Variants in MYRIP observed in about 807,000 individuals in gnomAD.
MYRIP encodes rab effector MyRIP.
Under a neutral mutation model 98.0 loss-of-function variants are expected in MYRIP, and 49 were observed. The observed-to-expected ratio is 0.50, with a 90% confidence interval of 0.40 to 0.63. The LOEUF (loss-of-function observed/expected upper bound fraction) is 0.63, where lower values mean the gene tolerates loss of function less well. MYRIP is among the 30% of genes least tolerant of loss of function. The pLI is 0.00. For missense variants in MYRIP, 1,004 were observed against 1,058.2 expected, an observed-to-expected ratio of 0.95 and a Z score of 0.71; for synonymous variants, 404 against 409.5, an observed-to-expected ratio of 0.99 and a Z score of 0.16.
At chr3:40,045,526 G>A (rs559364209) in intron 3 of MYRIP, among the ~76,000 whole-genome samples, 1 of 152,304 alleles carries the variant, frequency 6.6e-6, no homozygotes, top group South Asian at 2.1e-4. Context: ...TCAACAGAGA[G>A]AGGTTCATCC....
At chr3:40,015,141 T>C (rs1244942922) in intron 2 of MYRIP, among the ~76,000 whole-genome samples, 2 of 152,238 alleles carry the variant, frequency 1.3e-5, no homozygotes, top group Non-Finnish European at 2.9e-5. Context: ...GATGCCTACC[T>C]TCCAAAGTTG....
At chr3:40,128,504 C>T (rs917764098) in intron 3 of MYRIP, among the ~76,000 whole-genome samples, 6 of 152,206 alleles carry the variant, frequency 3.9e-5, no homozygotes, top group Admixed American at 2.6e-4. Flanking sequence ...CTTCATTTAA[C>T]CCAAAACTCA....
At chr3:40,102,071 T>G (rs1449621792) in intron 3 of MYRIP, among the ~76,000 whole-genome samples, 2 of 152,194 alleles carry the variant, frequency 1.3e-5, no homozygotes, top group African/African-American at 2.4e-5. Context: ...GTAGGTCTGA[T>G]AGTTCAGGGG....
chr3:40,190,483 G>A lies in MYRIP; in HGVS notation c.1665+20G>A, dbSNP rs778717384. 1 of 1,557,700 alleles carries A rather than the reference G, an allele frequency of 6.4e-7. No homozygotes were observed. The highest frequency in any genetic ancestry group is 1.9e-5 in the Admixed American group (1 of 53,524). ...CATCAGGTAATGGAAGTGCATGCGT[G>A]CAAATGCACACACACTCTTTAGGTA... On this transcript the variant is annotated intron_variant, in intron 10 of 16. Coordinates refer to ENST00000302541, the MANE Select transcript of MYRIP (RefSeq NM_015460.4).
At chr3:40,103,044 C>A (rs1051019625) in intron 3 of MYRIP, among the ~76,000 whole-genome samples, 1 of 151,758 alleles carries the variant, frequency 6.6e-6, no homozygotes, top group Non-Finnish European at 1.5e-5. Flanking sequence ...AGGTGACATC[C>A]AGACACCTGC....
intron 1 of MYRIP, among the ~76,000 whole-genome samples, chr3:39,879,840 T>C (rs1184703939): frequency 6.6e-6 from 1 of 151,982 alleles, no homozygotes; most frequent in East Asian, 1.9e-4. Flanking sequence ...TGAAGGAAAT[T>C]TGTAGGTAGA....
At chr3:39,850,322 T>C (rs1942094043) in intron 1 of MYRIP, among the ~76,000 whole-genome samples, 1 of 152,220 alleles carries the variant, frequency 6.6e-6, no homozygotes, top group African/African-American at 2.4e-5. Flanking sequence ...TACCACAGTG[T>C]CCACTGGTGC....
intron 1 of MYRIP, among the ~76,000 whole-genome samples, chr3:39,859,265 T>C (rs548238432): frequency 1.0e-3 from 152 of 152,160 alleles, no homozygotes; most frequent in African/African-American, 3.5e-3. Flanking sequence ...AACCAACAAA[T>C]TGGATACCCT....
At chr3:40,191,172 C>A (rs926031354) in intron 10 of MYRIP, among the ~76,000 whole-genome samples, 12 of 152,278 alleles carry the variant, frequency 7.9e-5, no homozygotes, top group African/African-American at 2.9e-4. Flanking sequence ...AATTTTCTCC[C>A]TTTAAAAATG....
intron 3 of MYRIP, among the ~76,000 whole-genome samples, chr3:40,061,550 T>C (rs1198224903): frequency 6.6e-6 from 1 of 152,214 alleles, no homozygotes; most frequent in Non-Finnish European, 1.5e-5. Flanking sequence ...AACATACATG[T>C]GTATGTGTCT....
chr3:40,024,772 A>G (rs1046685320), intron 2 of MYRIP, among the ~76,000 whole-genome samples: 7 of 152,180 alleles, frequency 4.6e-5, no homozygotes, highest in African/African-American at 1.2e-4. Flanking sequence ...GCTCAAGGTC[A>G]GGAGTGGATG....
At chr3:40,253,661 G>A (rs1953470040) in intron 16 of MYRIP, among the ~76,000 whole-genome samples, 1 of 152,132 alleles carries the variant, frequency 6.6e-6, no homozygotes, top group Admixed American at 6.6e-5. Flanking sequence ...GTTACCTTAG[G>A]GATAGCAGCG....
chr3:40,239,500 T>C (rs1197402837), intron 12 of MYRIP, among the ~76,000 whole-genome samples: 1 of 139,244 alleles, frequency 7.2e-6, no homozygotes, highest in Admixed American at 6.8e-5. Context: ...TCCACAATGG[T>C]TGAACTAGTT....
intron 2 of MYRIP, among the ~76,000 whole-genome samples, chr3:39,913,745 C>T (rs1575373723): frequency 1.3e-5 from 2 of 152,220 alleles, no homozygotes; most frequent in East Asian, 1.9e-4. Flanking sequence ...CAGACCAAAA[C>T]AGACCAGAAG....
chr3:40,255,287 G>A (rs1953539746), intron 16 of MYRIP, among the ~76,000 whole-genome samples: 2 of 152,158 alleles, frequency 1.3e-5, no homozygotes. Context: ...GTTGTGGGAA[G>A]GGGGAACAGG....
chr3:40,231,476 A>G (rs1054719841), intron 11 of MYRIP, among the ~76,000 whole-genome samples: 1 of 152,216 alleles, frequency 6.6e-6, no homozygotes, highest in African/African-American at 2.4e-5. Context: ...CATATCTCAC[A>G]GGAGGTATTC....
intron 4 of MYRIP, among the ~76,000 whole-genome samples, chr3:40,151,774 G>C (rs1251286119): frequency 6.6e-6 from 1 of 152,142 alleles, no homozygotes; most frequent in Non-Finnish European, 1.5e-5. Context: ...AGAAAAGAAT[G>C]GTAGTCAGAA....
At position 40,009,876 on chromosome 3, in the gene MYRIP, C is replaced by A. The variant is rs1377834592; in HGVS notation, c.111-34174C>A. Among the ~76,000 whole-genome samples the A allele has an allele frequency of 2.0e-5, 3 of 152,352 alleles. No homozygotes were observed. In the East Asian group the frequency reaches 5.8e-4, roughly 29 times the overall value. ...AGTAGGCGTTATTGGCCTCATATTG[C>A]AGACATGGCAACTGAGGTCAGCGAG... is the stretch of plus-strand genomic sequence containing the variant. On this transcript the variant is annotated intron_variant, in intron 2 of 16. Coordinates refer to ENST00000302541, the MANE Select transcript of MYRIP (RefSeq NM_015460.4).
intron 2 of MYRIP, among the ~76,000 whole-genome samples, chr3:39,974,595 CA>C (rs1236182573): frequency 6.6e-6 from 1 of 151,682 alleles, no homozygotes; most frequent in Non-Finnish European, 1.5e-5. Flanking sequence ...AGAGACACAC[CA>C]AAAAAAGAAT....
Sources: gnomAD v4.1 joint callset for allele counts (sites outside exome capture counted in the v4.1 genomes callset) on GRCh38, gnomAD v4.1.1 for gene constraint, MANE v1.5 for transcripts, NCBI Gene and HGNC (gene_info 2026-07-23, HGNC 2026-07-21) for gene names.